RBFOX1: variants seen among roughly 807,000 people sequenced by gnomAD.
The protein encoded by RBFOX1 is RNA binding fox-1 homolog 1, also known as RNA binding protein fox-1 homolog 1.
A neutral mutation model predicts 57.7 loss-of-function variants in RBFOX1; 8 were observed. The observed-to-expected ratio is 0.14, with a 90% CI of 0.08 to 0.25. RBFOX1 has a LOEUF of 0.25. Among genes scored for constraint, RBFOX1 ranks in the 10% least tolerant of loss-of-function variants. The probability of loss-of-function intolerance (pLI) is 1.00; values close to 1 mark genes in which losing one functional copy is unlikely to be tolerated. For synonymous variants in RBFOX1, 326 were observed against 222.4 expected, an observed-to-expected ratio of 1.47 and a Z score of -4.15; for missense variants, 611 against 548.5, an observed-to-expected ratio of 1.11 and a Z score of -1.14.
At chr16:7,689,659 A>G (rs1040654038) in intron 14 of RBFOX1, among the ~76,000 whole-genome samples, 1 of 152,108 alleles carries the variant, frequency 6.6e-6, no homozygotes, top group Non-Finnish European at 1.5e-5. Flanking sequence ...GAGGTAGAAT[A>G]TAGAAAAGTT....
chr16:7,163,735 C>T (rs932932716), intron 4 of RBFOX1, among the ~76,000 whole-genome samples: 1 of 152,092 alleles, frequency 6.6e-6, no homozygotes, highest in Non-Finnish European at 1.5e-5. Flanking sequence ...CATCTCACTG[C>T]AACCTCTGCC....
chr16:6,280,851 A>C (rs1343817500), intron 1 of RBFOX1, among the ~76,000 whole-genome samples: 1 of 151,594 alleles, frequency 6.6e-6, no homozygotes, highest in Non-Finnish European at 1.5e-5. Flanking sequence ...GTATGTGGCT[A>C]TTTCCTTTTC....
At chr16:7,481,947 A>G (rs1336391863) in intron 4 of RBFOX1, among the ~76,000 whole-genome samples, 1 of 152,244 alleles carries the variant, frequency 6.6e-6, no homozygotes, top group Non-Finnish European at 1.5e-5. Flanking sequence ...AGTGAAAAAC[A>G]GTATGGTTAT....
intron 4 of RBFOX1, among the ~76,000 whole-genome samples, chr16:7,090,682 G>C (rs1256024460): frequency 6.6e-6 from 1 of 152,080 alleles, no homozygotes; most frequent in African/African-American, 2.4e-5. Context: ...CTGTACAGGG[G>C]AAAGAAAGTT....
intron 2 of RBFOX1, among the ~76,000 whole-genome samples, chr16:6,616,535 G>A (rs948309051): frequency 6.6e-6 from 1 of 152,150 alleles, no homozygotes; most frequent in African/African-American, 2.4e-5. Context: ...AATTAGCCAG[G>A]CATGGTGGCG....
intron 3 of RBFOX1, among the ~76,000 whole-genome samples, chr16:5,742,346 T>TCCC (rs1419774936): frequency 4.4e-5 from 4 of 91,418 alleles, no homozygotes; most frequent in Non-Finnish European, 9.6e-5. Context: ...CTCTCCTAAC[T>TCCC]TTCCTTCCTT....
chr16:5,912,292 C>CTTTG (rs2058618966), intron 4 of RBFOX1, among the ~76,000 whole-genome samples: 1 of 152,156 alleles, frequency 6.6e-6, no homozygotes, highest in African/African-American at 2.4e-5. Context: ...GAATGAAGCT[C>CTTTG]ACCGTATCAT....
At chr16:7,248,271 C>G (rs1225474676) in intron 4 of RBFOX1, among the ~76,000 whole-genome samples, 2 of 152,178 alleles carry the variant, frequency 1.3e-5, no homozygotes, top group African/African-American at 4.8e-5. Context: ...AACGGCTTTG[C>G]AAATTCTTGC....
intron 3 of RBFOX1, among the ~76,000 whole-genome samples, chr16:6,753,499 C>A (rs1293717060): frequency 2.6e-5 from 4 of 152,152 alleles, no homozygotes. Flanking sequence ...GTCCCCCTTT[C>A]ATCTCCTATA....
At chr16:7,705,787 G>C (rs2082244339) in intron 14 of RBFOX1, among the ~76,000 whole-genome samples, 1 of 152,196 alleles carries the variant, frequency 6.6e-6, no homozygotes, top group Non-Finnish European at 1.5e-5. Flanking sequence ...TGTTGAGTTG[G>C]TGTTGATGAA....
intron 1 of RBFOX1, among the ~76,000 whole-genome samples, chr16:6,298,506 C>G (rs191364476): frequency 1.3e-5 from 2 of 152,324 alleles, no homozygotes; most frequent in East Asian, 1.9e-4. Flanking sequence ...CAGAGAGTGA[C>G]TGCTGGTAAG....
chr16:6,892,774 C>CT (rs1567747515), intron 3 of RBFOX1, among the ~76,000 whole-genome samples: 2,932 of 54,454 alleles, frequency 0.054, 410 homozygotes, highest in East Asian at 0.11. Flanking sequence ...CTCCCTGTCT[C>CT]CCTCTCTCTC....
intron 3 of RBFOX1, among the ~76,000 whole-genome samples, chr16:7,034,941 C>G (rs1300285019): frequency 7.0e-6 from 1 of 143,854 alleles, no homozygotes; most frequent in African/African-American, 2.6e-5. Flanking sequence ...CTCTGCCTCC[C>G]CGGTTCTATC....
chr16:6,299,878 G>A lies in RBFOX1; in HGVS notation c.-126-17117G>A, dbSNP rs561152933. Among the ~76,000 whole-genome samples the A allele has an allele frequency of 5.6e-4, 86 of 152,270 alleles. 2 individuals are homozygous for A. The South Asian group carries it at 0.017, about 30-fold the overall frequency. ...CCAACCTCAGATGGCTTCACTAGAA[G>A]CCCACACCCTCGTTTTAACACAATA... is the stretch of plus-strand genomic sequence containing the variant. On this transcript the variant is annotated intron_variant, in intron 1 of 15. Transcript: ENST00000550418.
intron 4 of RBFOX1, among the ~76,000 whole-genome samples, chr16:7,339,772 C>A (rs570301445): frequency 6.6e-6 from 1 of 152,044 alleles, no homozygotes; most frequent in African/African-American, 2.4e-5. Context: ...CTTTTGTCTG[C>A]GATGAAGAAA....
At chr16:5,327,481 A>G (rs1001300122) in intron 1 of RBFOX1, among the ~76,000 whole-genome samples, 1 of 152,220 alleles carries the variant, frequency 6.6e-6, no homozygotes. Flanking sequence ...AAGCGTGTTC[A>G]CTCGTTCAAG....
intron 3 of RBFOX1, among the ~76,000 whole-genome samples, chr16:6,862,859 C>T (rs1603633709): frequency 6.6e-6 from 1 of 151,404 alleles, no homozygotes; most frequent in Non-Finnish European, 1.5e-5. Flanking sequence ...GTGGCCGGCA[C>T]CTGTAATCCC....
At chr16:5,797,638 G>A (rs1467613471) in intron 3 of RBFOX1, among the ~76,000 whole-genome samples, 1 of 152,172 alleles carries the variant, frequency 6.6e-6, no homozygotes, top group Non-Finnish European at 1.5e-5. Context: ...ATATTTGAAA[G>A]AGCCAGCTTG....
At chr16:5,491,213 T>C (rs142561095) in intron 2 of RBFOX1, among the ~76,000 whole-genome samples, 2 of 152,210 alleles carry the variant, frequency 1.3e-5, no homozygotes, top group East Asian at 3.9e-4. Flanking sequence ...GCTGGATGAA[T>C]TGTCACAGTG....
Sources: allele counts gnomAD v4.1 joint callset (sites outside exome capture counted in the v4.1 genomes callset), GRCh38; gene constraint gnomAD v4.1.1; transcripts MANE v1.5; gene names NCBI Gene and HGNC (gene_info 2026-07-23, HGNC 2026-07-21).